Variants in CDH6 observed in about 807,000 individuals in gnomAD.
CDH6 encodes the protein cadherin-6.
CDH6 carries 31 observed loss-of-function variants against 78.0 expected under a neutral mutation model. The ratio of observed to expected loss-of-function variants is 0.40; its 90% CI spans 0.30 to 0.54. The LOEUF is 0.54. CDH6 is among the 20% of genes least tolerant of loss of function. The pLI is 0.56. For synonymous variants in CDH6, 376 were observed against 368.8 expected, an observed-to-expected ratio of 1.02 and a Z score of -0.23; for missense variants, 724 against 975.9, an observed-to-expected ratio of 0.74 and a Z score of 3.44.
intron 11 of CDH6, among the ~76,000 whole-genome samples, chr5:31,320,297 A>T (rs1373722094): frequency 6.6e-6 from 1 of 152,162 alleles, no homozygotes; most frequent in Non-Finnish European, 1.5e-5. Context: ...GAAGAATTAG[A>T]CCTTGAATAA....
intron 1 of CDH6, among the ~76,000 whole-genome samples, chr5:31,201,211 T>C (rs1740340537): frequency 6.6e-6 from 1 of 152,192 alleles, no homozygotes; most frequent in African/African-American, 2.4e-5. Flanking sequence ...TAGGCTTCTT[T>C]AAGAATTTTG....
intron 1 of CDH6, among the ~76,000 whole-genome samples, chr5:31,254,574 G>A (rs1281970874): frequency 2.0e-5 from 3 of 152,154 alleles, no homozygotes; most frequent in Non-Finnish European, 4.4e-5. Flanking sequence ...CAGCAATTGG[G>A]TTCGATACTA....
At position 31,323,387 on chromosome 5, in the gene CDH6, T is replaced by A. The variant is rs1248124864; in HGVS notation, c.*79T>A. ...TTCTTTATATTTATCCACTACTCCGTGAAGGCTTCTCTGTTCTACCCGTTC... is the reference window on the plus strand; with the variant it reads ...TTCTTTATATTTATCCACTACTCCGAGAAGGCTTCTCTGTTCTACCCGTTC... On this transcript the variant is annotated 3_prime_UTR_variant, in exon 12 of 12. Coordinates refer to ENST00000265071, the MANE Select transcript of CDH6 (RefSeq NM_004932.4). 2 of 1,474,528 alleles carry A rather than the reference T, an allele frequency of 1.4e-6. No individual in the cohort carries two copies. The highest frequency in any genetic ancestry group is 2.8e-5 in the African/African-American group (2 of 71,278). The allele number at this position is 1,474,528 out of a possible 1,614,324, so 91.3% of individuals were successfully genotyped here.
intron 1 of CDH6, chr5:31,250,463 A>G (rs952135061): frequency 6.6e-6 from 1 of 152,314 alleles, no homozygotes; most frequent in Non-Finnish European, 1.5e-5. Context: ...CTCTTCTGAC[A>G]CTTAGGAGTC....
chr5:31,208,650 G>A (rs1038626873), intron 1 of CDH6, among the ~76,000 whole-genome samples: 6 of 152,128 alleles, frequency 3.9e-5, no homozygotes, highest in African/African-American at 1.2e-4. Context: ...AGGCTAGTAT[G>A]ATAAACTTTG....
intron 6 of CDH6, among the ~76,000 whole-genome samples, chr5:31,304,108 CAAAT>C (rs1737906084): frequency 6.6e-6 from 1 of 151,790 alleles, no homozygotes; most frequent in Non-Finnish European, 1.5e-5. Context: ...CTTTCTTTGA[CAAAT>C]AATTAGCCCA....
intron 4 of CDH6, 108 bp from the exon 5 acceptor site, chr5:31,299,356 T>A: frequency 2.4e-6 from 2 of 817,288 alleles, no homozygotes; most frequent in Non-Finnish European, 2.0e-6. Context: ...GACATCTGCA[T>A]AGCATTTTGC....
intron 1 of CDH6, among the ~76,000 whole-genome samples, chr5:31,197,904 C>T (rs11953473): frequency 0.027 from 4,106 of 152,170 alleles, 71 homozygotes; most frequent in South Asian, 0.048. Flanking sequence ...AGTTTCTATT[C>T]GTACAGAAGC....
chr5:31,220,182 G>A (rs2111829210), intron 1 of CDH6, among the ~76,000 whole-genome samples: 1 of 152,236 alleles, frequency 6.6e-6, no homozygotes, highest in East Asian at 1.9e-4. Context: ...GTCAGTGTGT[G>A]GACCTAGTTT....
At chr5:31,318,273 G>A in intron 11 of CDH6, 1 of 549,236 alleles carries the variant, frequency 1.8e-6, no homozygotes, top group Non-Finnish European at 3.3e-6. Flanking sequence ...GTTGTTAAGT[G>A]TCTGGCATGG....
At chr5:31,312,711 CAAACA>C (rs1380219828) in intron 7 of CDH6, among the ~76,000 whole-genome samples, 1 of 113,284 alleles carries the variant, frequency 8.8e-6, no homozygotes, top group Non-Finnish European at 2.1e-5. Flanking sequence ...AACAAACAAA[CAAACA>C]AAAAAACCCT....
At chr5:31,305,087 G>A in intron 6 of CDH6, 87 bp from the exon 7 acceptor site, 2 of 1,362,138 alleles carry the variant, frequency 1.5e-6, no homozygotes, top group Non-Finnish European at 2.0e-6. Flanking sequence ...TTTATCAGTG[G>A]TTTACACCAA....
intron 1 of CDH6, among the ~76,000 whole-genome samples, chr5:31,203,064 G>C (rs1387987840): frequency 6.6e-6 from 1 of 151,784 alleles, no homozygotes; most frequent in African/African-American, 2.4e-5. Flanking sequence ...AATTATTCTT[G>C]TATTAAGCTA....
At chr5:31,210,576 A>G (rs895879238) in intron 1 of CDH6, among the ~76,000 whole-genome samples, 2 of 152,178 alleles carry the variant, frequency 1.3e-5, no homozygotes, top group Non-Finnish European at 2.9e-5. Flanking sequence ...TACAGTCATC[A>G]GTATCTGTAG....
At chr5:31,214,018 A>G (rs548483403) in intron 1 of CDH6, among the ~76,000 whole-genome samples, 144 of 151,338 alleles carry the variant, frequency 9.5e-4, no homozygotes, top group African/African-American at 3.3e-3. Context: ...GTAACTCCCT[A>G]CCCCTGTGGC....
intron 2 of CDH6, among the ~76,000 whole-genome samples, chr5:31,272,162 G>C (rs542183425): frequency 6.6e-6 from 1 of 152,152 alleles, no homozygotes; most frequent in East Asian, 1.9e-4. Flanking sequence ...TACTGCAGAG[G>C]GAGAATTGCC....
chr5:31,250,088 T>A (rs987701044), intron 1 of CDH6: 2 of 152,284 alleles, frequency 1.3e-5, no homozygotes, highest in Admixed American at 6.5e-5. Context: ...TGGGGTCGAT[T>A]TCCTGGAATT....
intron 6 of CDH6, among the ~76,000 whole-genome samples, chr5:31,302,931 GAAAGA>G (rs1554010035): frequency 7.9e-6 from 1 of 126,768 alleles, no homozygotes; most frequent in Non-Finnish European, 1.8e-5. Flanking sequence ...AAGAAAGAAA[GAAAGA>G]AAGAAAGAAA....
intron 2 of CDH6, among the ~76,000 whole-genome samples, chr5:31,278,466 A>G (rs1742763060): frequency 6.6e-6 from 1 of 152,212 alleles, no homozygotes; most frequent in African/African-American, 2.4e-5. Flanking sequence ...GACTTTTACA[A>G]ATTAAAATCA....
Sources: gnomAD v4.1 joint callset for allele counts (sites outside exome capture counted in the v4.1 genomes callset) on GRCh38, gnomAD v4.1.1 for gene constraint, MANE v1.5 for transcripts, NCBI Gene and HGNC (gene_info 2026-07-23, HGNC 2026-07-21) for gene names.